Variants in IQCM observed in about 807,000 individuals in gnomAD.
IQCM encodes the protein IQ motif containing M.
In IQCM, 45 loss-of-function variants were observed where a neutral mutation model predicts 57.6. That is an observed-to-expected ratio of 0.78 (90% CI 0.62 to 1.00). The LOEUF is 1.00. Among genes scored for constraint, IQCM ranks in the 50% least tolerant of loss-of-function variants. The pLI, the probability that IQCM is intolerant of heterozygous loss-of-function variation, is 0.00. For synonymous variants in IQCM, 148 were observed against 158.9 expected, an observed-to-expected ratio of 0.93 and a Z score of 0.51; for missense variants, 468 against 511.6, an observed-to-expected ratio of 0.91 and a Z score of 0.82.
At chr4:149,588,092 G>T in intron 8 of IQCM, 95 bp from the exon 9 acceptor site, 1 of 448,770 alleles carries the variant, frequency 2.2e-6, no homozygotes, top group South Asian at 1.2e-4. Context: ...TATTATCAAA[G>T]GGAGAATCAT....
intron 13 of IQCM, among the ~76,000 whole-genome samples, chr4:149,353,051 G>A (rs189529359): frequency 1.1e-4 from 17 of 152,122 alleles, no homozygotes; most frequent in Non-Finnish European, 2.1e-4. Context: ...CTGGGTTAAT[G>A]TATCTCCATA....
chr4:149,549,692 T>C (rs1325421111), intron 11 of IQCM, among the ~76,000 whole-genome samples: 1 of 152,196 alleles, frequency 6.6e-6, no homozygotes, highest in African/African-American at 2.4e-5. Flanking sequence ...TCAACATTTA[T>C]AGGATGTCAG....
At chr4:149,575,800 A>G (rs1751586374) in intron 9 of IQCM, among the ~76,000 whole-genome samples, 1 of 151,852 alleles carries the variant, frequency 6.6e-6, no homozygotes. Flanking sequence ...TAAAATGCTT[A>G]AGGCACTCAC....
intron 2 of IQCM, among the ~76,000 whole-genome samples, chr4:149,774,839 A>C (rs1770929540): frequency 6.6e-6 from 1 of 152,018 alleles, no homozygotes; most frequent in Non-Finnish European, 1.5e-5. Context: ...CCAGGAGGAA[A>C]GTATATATAA....
chr4:149,523,334 TCAGA>T (rs1012355536), intron 12 of IQCM, among the ~76,000 whole-genome samples: 1 of 151,804 alleles, frequency 6.6e-6, no homozygotes, highest in African/African-American at 2.4e-5. Context: ...GAAAAAAGCA[TCAGA>T]CAAAGTATTG....
intron 12 of IQCM, among the ~76,000 whole-genome samples, chr4:149,480,568 G>A (rs745911635): frequency 1.3e-5 from 2 of 151,968 alleles, no homozygotes; most frequent in African/African-American, 2.4e-5. Flanking sequence ...TTCCAGTTCC[G>A]TGTTATTGCA....
At chr4:149,610,507 A>C (rs1222488051) in intron 8 of IQCM, among the ~76,000 whole-genome samples, 2 of 151,980 alleles carry the variant, frequency 1.3e-5, no homozygotes, top group African/African-American at 4.8e-5. Flanking sequence ...AAACAGCCTG[A>C]TAGTGGCATA....
chr4:149,625,680 G>A (rs1432683899), intron 7 of IQCM, among the ~76,000 whole-genome samples: 1 of 152,148 alleles, frequency 6.6e-6, no homozygotes, highest in Non-Finnish European at 1.5e-5. Context: ...GGAGGAAGTC[G>A]AGAGTGAAGT....
At chr4:149,749,773 T>G (rs1261539536) in intron 2 of IQCM, among the ~76,000 whole-genome samples, 1 of 152,204 alleles carries the variant, frequency 6.6e-6, no homozygotes, top group African/African-American at 2.4e-5. Flanking sequence ...CTGAAAATAC[T>G]ACCCTAGTCA....
chr4:149,460,565 T>C (rs1434098354), intron 12 of IQCM, among the ~76,000 whole-genome samples: 1 of 152,102 alleles, frequency 6.6e-6, no homozygotes, highest in Non-Finnish European at 1.5e-5. Context: ...GTCTCTGGAA[T>C]TGGTGATTAA....
intron 13 of IQCM, among the ~76,000 whole-genome samples, chr4:149,416,053 T>G (rs926676612): frequency 2.6e-4 from 40 of 152,048 alleles, no homozygotes; most frequent in African/African-American, 9.7e-4. Flanking sequence ...AAGTATAATT[T>G]TAAAAAAGCC....
At chr4:149,494,001 G>A (rs1000431669) in intron 12 of IQCM, among the ~76,000 whole-genome samples, 18 of 150,918 alleles carry the variant, frequency 1.2e-4, no homozygotes, top group African/African-American at 3.4e-4. Flanking sequence ...TAGGAAGCAT[G>A]GTTCAAGCAT....
intron 13 of IQCM, among the ~76,000 whole-genome samples, chr4:149,415,044 G>A (rs1733646988): frequency 6.6e-6 from 1 of 151,922 alleles, no homozygotes; most frequent in South Asian, 2.1e-4. Flanking sequence ...CATAGTATTT[G>A]TATCTGGCTG....
At chr4:149,606,841 C>A (rs1033430100) in intron 8 of IQCM, among the ~76,000 whole-genome samples, 1 of 151,924 alleles carries the variant, frequency 6.6e-6, no homozygotes, top group African/African-American at 2.4e-5. Flanking sequence ...AACTCAAAGA[C>A]AAGCTATTTC....
chr4:149,476,977 A>G (rs1740271403), intron 12 of IQCM, among the ~76,000 whole-genome samples: 1 of 152,216 alleles, frequency 6.6e-6, no homozygotes, highest in African/African-American at 2.4e-5. Context: ...AATACAGGAA[A>G]GACTGAAATC....
intron 8 of IQCM, among the ~76,000 whole-genome samples, chr4:149,613,020 A>AC (rs1339122484): frequency 2.0e-5 from 3 of 151,722 alleles, no homozygotes; most frequent in Non-Finnish European, 4.4e-5. Flanking sequence ...AAACAAAATG[A>AC]CCCCCCAAAA....
intron 9 of IQCM, among the ~76,000 whole-genome samples, chr4:149,565,952 C>A (rs187527005): frequency 9.9e-5 from 15 of 152,190 alleles, no homozygotes; most frequent in Admixed American, 9.8e-4. Flanking sequence ...AAATATATAT[C>A]ATTTTGTACA....
At chr4:149,683,814 C>T (rs923453574) in intron 6 of IQCM, among the ~76,000 whole-genome samples, 16 of 151,306 alleles carry the variant, frequency 1.1e-4, no homozygotes, top group Non-Finnish European at 1.9e-4. Context: ...ATTTTACAGA[C>T]ATTAAGATGA....
At chr4:149,428,980 A>C (rs921852452) in intron 13 of IQCM, among the ~76,000 whole-genome samples, 1 of 151,896 alleles carries the variant, frequency 6.6e-6, no homozygotes, top group Non-Finnish European at 1.5e-5. Flanking sequence ...ACACCATTTC[A>C]GTTAAAATGG....
Sources: allele counts gnomAD v4.1 joint callset (sites outside exome capture counted in the v4.1 genomes callset), GRCh38; gene constraint gnomAD v4.1.1; transcripts MANE v1.5; gene names NCBI Gene and HGNC (gene_info 2026-07-23, HGNC 2026-07-21).